SERP2: variants seen among roughly 807,000 people sequenced by gnomAD.
SERP2 encodes stress associated endoplasmic reticulum protein family member 2.
SERP2 carries 6 observed loss-of-function variants against 9.1 expected under a neutral mutation model. That is an observed-to-expected ratio of 0.66 (90% CI 0.36 to 1.30). SERP2 has a LOEUF of 1.30. Ranked by LOEUF, SERP2 falls within the 50% of genes most tolerant of loss-of-function variation. The pLI is 0.03. For synonymous variants in SERP2, 37 were observed against 27.3 expected, an observed-to-expected ratio of 1.35 and a Z score of -1.10; for missense variants, 58 against 81.9, an observed-to-expected ratio of 0.71 and a Z score of 1.13.
chr13:44,389,010 G>C (rs1872485722), intron 2 of SERP2, among the ~76,000 whole-genome samples: 2 of 152,230 alleles, frequency 1.3e-5, no homozygotes, highest in South Asian at 2.1e-4. Flanking sequence ...CCCACTCCCT[G>C]TGTGGCCACA....
chr13:44,389,516 C>G (rs7338359), intron 2 of SERP2, among the ~76,000 whole-genome samples: 10,980 of 152,240 alleles, frequency 0.072, 429 homozygotes, highest in African/African-American at 0.1. Flanking sequence ...GCCTTCCCAA[C>G]TCTCCACCTC....
intron 2 of SERP2, among the ~76,000 whole-genome samples, chr13:44,382,773 AGG>A (rs1872070788): frequency 6.6e-6 from 1 of 152,184 alleles, no homozygotes; most frequent in Non-Finnish European, 1.5e-5. Context: ...TCATGTCTTG[AGG>A]GTCCCCTCTG....
intron 2 of SERP2, among the ~76,000 whole-genome samples, chr13:44,386,828 G>A (rs1451083638): frequency 6.6e-6 from 1 of 152,214 alleles, no homozygotes; most frequent in Non-Finnish European, 1.5e-5. Flanking sequence ...GCTTGAGTCT[G>A]TTTAACTGGC....
At chr13:44,384,538 A>G (rs896019175) in intron 2 of SERP2, among the ~76,000 whole-genome samples, 2 of 152,194 alleles carry the variant, frequency 1.3e-5, no homozygotes, top group Non-Finnish European at 1.5e-5. Context: ...TGTTTGCAGC[A>G]CGCACACCTG....
intron 1 of SERP2, among the ~76,000 whole-genome samples, chr13:44,374,369 C>T (rs1871513107): frequency 6.6e-6 from 1 of 152,168 alleles, no homozygotes; most frequent in Admixed American, 6.5e-5. Context: ...CAGGGAGGCG[C>T]AGAGGAGCCC....
Position 44,373,915 on chromosome 13 carries a change from T to A in SERP2, c.-111T>A. On this transcript the variant is annotated 5_prime_UTR_variant, in exon 1 of 3. Coordinates refer to ENST00000379179, the MANE Select transcript of SERP2 (RefSeq NM_001010897.3). The surrounding 1 kb of genome is among the most constrained non-coding windows in gnomAD (Gnocchi z 4.8). ...GGGCTCGGGGCCACGCCTTGCCACC[T>A]GCAGCGCCCGGGTGGGCCGCGGGGG... 1 of 1,022,436 alleles carries A rather than the reference T, an allele frequency of 9.8e-7. No homozygotes were observed. The highest frequency in any genetic ancestry group is 1.4e-5 in the South Asian group (1 of 69,126). The allele number at this position is 1,022,436 out of a possible 1,614,324, so 63.3% of individuals were successfully genotyped here.
chr13:44,388,788 TC>T (rs1872472741), intron 2 of SERP2, among the ~76,000 whole-genome samples: 1 of 152,314 alleles, frequency 6.6e-6, no homozygotes, highest in South Asian at 2.1e-4. Context: ...GCCTGAATCC[TC>T]CCATTCTCCC....
In SERP2 at chr13:44,374,059, G is replaced by C; in HGVS notation, c.34G>C (p.Glu12Gln). Reference protein sequence around the residue: ...VAKQRIRMANEKHSKNITQRG... With the variant: ...VAKQRIRMANQKHSKNITQRG... ...CAAACAGCGGATCCGGATGGCTAAC[G>C]AGAAGCACAGCAAAAACATCACCCA... The change falls in exon 1 of 3, where the codon GAG becomes CAG. Residue 12 changes from glutamate (E) to glutamine (Q), a missense_variant. Glu to Gln is a conservative substitution (Grantham distance 29). Coordinates refer to ENST00000379179, the MANE Select transcript of SERP2 (RefSeq NM_001010897.3). The C allele has an allele frequency of 6.3e-7, 1 of 1,588,820 alleles. No homozygotes were observed. Among genetic ancestry groups the C allele is most frequent in the South Asian group, 1.1e-5 (1 of 89,166 alleles).
chr13:44,374,628 A>G (rs1871537877), intron 1 of SERP2, among the ~76,000 whole-genome samples: 1 of 152,132 alleles, frequency 6.6e-6, no homozygotes, highest in South Asian at 2.1e-4. Context: ...CCCGGACTCC[A>G]CCTGTCTTCC....
At chr13:44,395,625 G>GACCC (rs1873053614) in intron 2 of SERP2, among the ~76,000 whole-genome samples, 1 of 122,576 alleles carries the variant, frequency 8.2e-6, no homozygotes, top group Non-Finnish European at 1.8e-5. Context: ...AAAAAAAAAA[G>GACCC]ACCCACCCAA....
intron 2 of SERP2, among the ~76,000 whole-genome samples, chr13:44,390,111 C>G (rs1872546261): frequency 6.6e-6 from 1 of 152,190 alleles, no homozygotes; most frequent in Non-Finnish European, 1.5e-5. Context: ...AAGTTTTCCA[C>G]CAATTTAGGC....
chr13:44,390,283 T>C, intron 2 of SERP2: 1 of 341,322 alleles, frequency 2.9e-6, no homozygotes. Context: ...GCCTCTTGGT[T>C]GGGCCACCGG....
chr13:44,381,131 G>C lies in SERP2; in HGVS notation c.157+1418G>C, dbSNP rs918965010. 2.6e-5 allele frequency among the ~76,000 whole-genome samples: 4 copies of C among 151,868 alleles called. No individual in the cohort carries two copies. The East Asian group carries it at 7.7e-4, about 29-fold the overall frequency. Reference sequence around the variant, plus strand: ...GCATGCCTGTAATCCCAGCTACTTGGGAGACTGAGGCAGGAGAATCACTTG... The same window carrying C: ...GCATGCCTGTAATCCCAGCTACTTGCGAGACTGAGGCAGGAGAATCACTTG... On this transcript the variant is annotated intron_variant, in intron 2 of 2. Transcript: ENST00000379179.
At chr13:44,374,465 G>A (rs558455298) in intron 1 of SERP2, among the ~76,000 whole-genome samples, 16 of 152,336 alleles carry the variant, frequency 1.1e-4, no homozygotes, top group Middle Eastern at 3.4e-3. Context: ...TCATCCTTAG[G>A]GGCCAGTTAA....
At chr13:44,391,901 A>G (rs1233196688) in intron 2 of SERP2, among the ~76,000 whole-genome samples, 2 of 152,068 alleles carry the variant, frequency 1.3e-5, no homozygotes, top group East Asian at 1.9e-4. Context: ...TCAGACAGAA[A>G]GAATGGCATG....
At chr13:44,383,512 A>T (rs1169621988) in intron 2 of SERP2, among the ~76,000 whole-genome samples, 1 of 145,506 alleles carries the variant, frequency 6.9e-6, no homozygotes, top group African/African-American at 2.6e-5. Flanking sequence ...CTAGGGATTG[A>T]GTATGTTAGC....
intron 1 of SERP2, among the ~76,000 whole-genome samples, chr13:44,376,271 T>C (rs1387479108): frequency 9.9e-5 from 15 of 152,248 alleles, no homozygotes; most frequent in Admixed American, 9.8e-4. Flanking sequence ...AAGTCAAATA[T>C]GATTATACTT....
chr13:44,390,164 C>G (rs1167091500), intron 2 of SERP2, among the ~76,000 whole-genome samples: 1 of 152,204 alleles, frequency 6.6e-6, no homozygotes, highest in Non-Finnish European at 1.5e-5. Context: ...CCTGCTAAAA[C>G]ATCCCCTATT....
At chr13:44,390,494 A>G in intron 2 of SERP2, 1 of 455,600 alleles carries the variant, frequency 2.2e-6, no homozygotes, top group Middle Eastern at 3.3e-4. Flanking sequence ...GGAAAGACTG[A>G]GGCCATTCAT....
Sources: allele counts gnomAD v4.1 joint callset (sites outside exome capture counted in the v4.1 genomes callset), GRCh38; gene constraint gnomAD v4.1.1; non-coding constraint Gnocchi (gnomAD v3.1); transcripts MANE v1.5; gene names NCBI Gene and HGNC (gene_info 2026-07-23, HGNC 2026-07-21).